Variants in RETREG1 observed in about 807,000 individuals in gnomAD.
The protein encoded by RETREG1 is reticulophagy regulator 1.
In RETREG1, 44 loss-of-function variants were observed where a neutral mutation model predicts 54.8. The observed-to-expected ratio is 0.80, with a 90% CI of 0.63 to 1.03. RETREG1 has a LOEUF of 1.03. Ranked by LOEUF, RETREG1 falls within the 50% of genes least tolerant of loss-of-function variation. RETREG1 has a pLI of 0.00. For synonymous variants in RETREG1, 217 were observed against 238.5 expected (o/e 0.91, Z 0.83); for missense variants, 554 against 605.1 (o/e 0.92, Z 0.89).
intron 3 of RETREG1, among the ~76,000 whole-genome samples, chr5:16,551,836 C>T (rs1219364674): frequency 1.3e-5 from 2 of 152,178 alleles, no homozygotes; most frequent in African/African-American, 4.8e-5. Flanking sequence ...GGATGCATTC[C>T]TTTCAGAGGC....
rs187598330 is a variant in RETREG1 at position 16,532,439 on chromosome 5, C to A, written c.458+33324G>T. On this transcript the variant is annotated intron_variant, in intron 3 of 8. Coordinates refer to ENST00000306320, the MANE Select transcript of RETREG1 (RefSeq NM_001034850.3). Reference sequence around the variant, plus strand: ...ACTCGGGAAGCTGAGGCAGGAGAATCGCTTGAACCCTGGGAGGCGGAGGTT... The same window carrying A: ...ACTCGGGAAGCTGAGGCAGGAGAATAGCTTGAACCCTGGGAGGCGGAGGTT... Among the ~76,000 whole-genome samples the A allele has an allele frequency of 8.5e-5, 13 of 152,262 alleles. No homozygotes were observed. In the East Asian group the frequency reaches 1.4e-3, roughly 16 times the overall value.
intron 8 of RETREG1, among the ~76,000 whole-genome samples, chr5:16,476,673 G>C (rs1738550942): frequency 6.7e-6 from 1 of 149,666 alleles, no homozygotes; most frequent in Non-Finnish European, 1.5e-5. Flanking sequence ...CACACTGCCT[G>C]TTCTCACCTG....
intron 1 of RETREG1, among the ~76,000 whole-genome samples, chr5:16,581,526 A>AACAC (rs3993834): frequency 0.02 from 2,854 of 143,696 alleles, 38 homozygotes; most frequent in Middle Eastern, 0.052. Flanking sequence ...TCAGAAACAC[A>AACAC]ACACACACAC....
chr5:16,556,048 C>T (rs1741696016), intron 3 of RETREG1, among the ~76,000 whole-genome samples: 1 of 152,080 alleles, frequency 6.6e-6, no homozygotes, highest in African/African-American at 2.4e-5. Flanking sequence ...ACCTAATAAA[C>T]CTGGGGTTAT....
chr5:16,477,554 T>A, intron 8 of RETREG1, 108 bp downstream of exon 8: 1 of 1,032,734 alleles, frequency 9.7e-7, no homozygotes, highest in Non-Finnish European at 1.5e-6. Flanking sequence ...AATATTCTAC[T>A]GTGTAGATAT....
chr5:16,603,930 C>A (rs1182848711), intron 1 of RETREG1, among the ~76,000 whole-genome samples: 2 of 151,608 alleles, frequency 1.3e-5, no homozygotes, highest in East Asian at 1.9e-4. Context: ...GGCCACTGGA[C>A]AACTCACAGA....
At chr5:16,490,415 T>C (rs1463428427) in intron 3 of RETREG1, among the ~76,000 whole-genome samples, 2 of 152,194 alleles carry the variant, frequency 1.3e-5, no homozygotes, top group East Asian at 3.8e-4. Flanking sequence ...TGGCAATTTG[T>C]AGTAGAAAGG....
At chr5:16,551,443 A>G (rs1741539531) in intron 3 of RETREG1, among the ~76,000 whole-genome samples, 1 of 152,154 alleles carries the variant, frequency 6.6e-6, no homozygotes, top group African/African-American at 2.4e-5. Context: ...TGGCATCTTC[A>G]TGACTCTTCT....
intron 3 of RETREG1, among the ~76,000 whole-genome samples, chr5:16,500,330 A>C (rs1739653829): frequency 6.6e-6 from 1 of 152,180 alleles, no homozygotes. Flanking sequence ...CAGAGACAGC[A>C]GGTGCCATGG....
chr5:16,474,964 GCTGCAGT>G lies in RETREG1; in HGVS notation c.1264_1270del (p.Thr422LeufsTer6). The G allele has an allele frequency of 6.2e-7, 1 of 1,613,902 alleles. No individual in the cohort carries two copies. ...CACACCCTCTAACTGGTCTTTGATAGCTGCAGTCACTGCAGCTGTGATAACATCCCCA... is the reference window on the plus strand; with the variant it reads ...CACACCCTCTAACTGGTCTTTGATAGCACTGCAGCTGTGATAACATCCCCA... On this transcript the variant is annotated frameshift_variant, in exon 9 of 9. Transcript: ENST00000306320. LOFTEE classifies it high-confidence loss of function.
intron 4 of RETREG1, 181 bp downstream of exon 4, chr5:16,483,165 G>T (rs1185700160): frequency 1.5e-6 from 1 of 653,120 alleles, no homozygotes; most frequent in East Asian, 2.7e-5. Context: ...TGAGGCTGAG[G>T]ATTATCTAGT....
chr5:16,556,405 C>T (rs1741710169), intron 3 of RETREG1, among the ~76,000 whole-genome samples: 1 of 151,974 alleles, frequency 6.6e-6, no homozygotes, highest in Non-Finnish European at 1.5e-5. Flanking sequence ...CGTGATCCTC[C>T]CGCCTCAGCC....
intron 3 of RETREG1, among the ~76,000 whole-genome samples, chr5:16,508,109 A>T (rs558216831): frequency 6.6e-6 from 1 of 152,382 alleles, no homozygotes; most frequent in African/African-American, 2.4e-5. Flanking sequence ...CATTTTCAAC[A>T]ATAGGAACTG....
chr5:16,528,508 G>C (rs977290418), intron 3 of RETREG1, among the ~76,000 whole-genome samples: 1 of 152,146 alleles, frequency 6.6e-6, no homozygotes, highest in African/African-American at 2.4e-5. Context: ...ATGACATGGA[G>C]GCCAGTCTCT....
intron 1 of RETREG1, among the ~76,000 whole-genome samples, chr5:16,610,958 T>C (rs1408227474): frequency 2.0e-5 from 3 of 152,180 alleles, no homozygotes; most frequent in Non-Finnish European, 2.9e-5. Flanking sequence ...CATGCACACA[T>C]ATGTTTATTG....
chr5:16,498,233 C>T (rs1025951403), intron 3 of RETREG1, among the ~76,000 whole-genome samples: 7 of 152,142 alleles, frequency 4.6e-5, no homozygotes, highest in African/African-American at 1.4e-4. Context: ...ACAGAGTGTA[C>T]TTACACAAAC....
intron 3 of RETREG1, among the ~76,000 whole-genome samples, chr5:16,520,455 G>A (rs565561356): frequency 4.6e-5 from 7 of 151,990 alleles, no homozygotes; most frequent in South Asian, 2.1e-4. Context: ...TCAGCCTCCC[G>A]AGTAGCGGGG....
intron 3 of RETREG1, among the ~76,000 whole-genome samples, chr5:16,553,147 T>C (rs11958850): frequency 0.01 from 1,570 of 152,128 alleles, 30 homozygotes; most frequent in African/African-American, 0.036. Context: ...TGTACTGCCA[T>C]ATCGTAAACT....
Position 16,594,417 on chromosome 5 carries a change from G to A in RETREG1, c.320+22235C>T, listed in dbSNP as rs113007557. 5.4e-3 allele frequency among the ~76,000 whole-genome samples: 816 copies of A among 152,008 alleles called. 9 individuals are homozygous for A. The highest frequency in any genetic ancestry group is 0.019 in the African/African-American group (785 of 41,308). On this transcript the variant is annotated intron_variant, in intron 1 of 8. Transcript: ENST00000306320. The surrounding 1 kb of genome is among the most constrained non-coding windows in gnomAD (Gnocchi z 4.4). ...GTAGACAACTTTTATAAGAAAAAAAGTTAAACGCTTAACATAGCATTTTTC... is the reference window on the plus strand; with the variant it reads ...GTAGACAACTTTTATAAGAAAAAAAATTAAACGCTTAACATAGCATTTTTC...
Sources: allele counts gnomAD v4.1 joint callset (sites outside exome capture counted in the v4.1 genomes callset), GRCh38; gene constraint gnomAD v4.1.1; non-coding constraint Gnocchi (gnomAD v3.1); transcripts MANE v1.5; gene names NCBI Gene and HGNC (gene_info 2026-07-23, HGNC 2026-07-21).